CACNA2D3: variants seen among roughly 807,000 people sequenced by gnomAD.
CACNA2D3 encodes the protein calcium voltage-gated channel auxiliary subunit alpha2delta 3, also known as voltage-dependent calcium channel subunit alpha-2/delta-3.
A neutral mutation model predicts 160.6 loss-of-function variants in CACNA2D3; 60 were observed. The observed-to-expected ratio is 0.37, with a 90% CI of 0.30 to 0.46. The LOEUF is 0.46. CACNA2D3 is among the 20% of genes least tolerant of loss of function. The pLI is 1.00. For missense variants in CACNA2D3, 1,205 were observed against 1,365.0 expected, an observed-to-expected ratio of 0.88 and a Z score of 1.85; for synonymous variants, 558 against 492.9, an observed-to-expected ratio of 1.13 and a Z score of -1.75.
intron 13 of CACNA2D3, among the ~76,000 whole-genome samples, chr3:54,806,624 C>G (rs576833733): frequency 1.4e-3 from 211 of 152,308 alleles, no homozygotes; most frequent in Admixed American, 4.1e-3. Context: ...AATGGCCATG[C>G]TGCCCAAGGT....
At chr3:55,073,706 C>A in intron 36 of CACNA2D3, 71 bp from the exon 37 acceptor site, 1 of 1,381,386 alleles carries the variant, frequency 7.2e-7, no homozygotes, top group Non-Finnish European at 1.0e-6. Context: ...GTTGTCATTG[C>A]CAAATTTTGA....
At chr3:54,737,180 ATATGTGTG>A (rs1303798985) in intron 11 of CACNA2D3, among the ~76,000 whole-genome samples, 18 of 91,878 alleles carry the variant, frequency 2.0e-4, no homozygotes, top group Middle Eastern at 4.5e-3. Flanking sequence ...ATCCATGTGT[ATATGTGTG>A]TGTGTGTGTG....
At chr3:54,927,123 A>G (rs1701044938) in intron 27 of CACNA2D3, among the ~76,000 whole-genome samples, 1 of 152,168 alleles carries the variant, frequency 6.6e-6, no homozygotes, top group Non-Finnish European at 1.5e-5. Context: ...TGTTTGATTG[A>G]TTGTTTGCTT....
chr3:54,701,534 C>G (rs1035973086), intron 11 of CACNA2D3, among the ~76,000 whole-genome samples: 34 of 152,024 alleles, frequency 2.2e-4, no homozygotes, highest in Non-Finnish European at 1.0e-4. Context: ...ATACAGCTAC[C>G]GAGGGAGGTG....
intron 2 of CACNA2D3, among the ~76,000 whole-genome samples, chr3:54,184,263 T>C (rs1175130337): frequency 6.6e-6 from 1 of 152,200 alleles, no homozygotes; most frequent in East Asian, 1.9e-4. Flanking sequence ...GGCTGTGCGC[T>C]GCCTCTGGTC....
intron 9 of CACNA2D3, among the ~76,000 whole-genome samples, chr3:54,598,319 A>AAAAAG (rs1702997141): frequency 6.7e-6 from 1 of 149,678 alleles, no homozygotes; most frequent in Non-Finnish European, 1.5e-5. Flanking sequence ...AAAAAAAAAA[A>AAAAAG]AAAAAAAAAA....
intron 13 of CACNA2D3, among the ~76,000 whole-genome samples, chr3:54,815,726 AT>A (rs879438575): frequency 6.6e-6 from 1 of 152,158 alleles, no homozygotes; most frequent in Non-Finnish European, 1.5e-5. Flanking sequence ...TTTAAGTTCC[AT>A]TTTAGTTTTT....
At chr3:54,498,783 G>A (rs1559498283) in intron 4 of CACNA2D3, among the ~76,000 whole-genome samples, 1 of 151,776 alleles carries the variant, frequency 6.6e-6, no homozygotes, top group African/African-American at 2.4e-5. Flanking sequence ...TTTTCATTAT[G>A]ATTAATTTCA....
chr3:54,899,993 A>G (rs1700289752), intron 27 of CACNA2D3, 125 bp downstream of exon 27: 1 of 670,388 alleles, frequency 1.5e-6, no homozygotes, highest in African/African-American at 1.8e-5. Context: ...ACAATTTTAA[A>G]TTACTTCCTT....
chr3:54,876,091 A>G (rs1330751548), intron 18 of CACNA2D3, among the ~76,000 whole-genome samples: 1 of 152,146 alleles, frequency 6.6e-6, no homozygotes. Flanking sequence ...TTCCTCCGCC[A>G]GGCCATTTGC....
Position 54,672,730 on chromosome 3 carries a change from C to T in CACNA2D3, c.1167+30489C>T, listed in dbSNP as rs1039964879. Among the ~76,000 whole-genome samples, 7 of 152,298 alleles carry T rather than the reference C, an allele frequency of 4.6e-5. No individual in the cohort carries two copies. In the South Asian group the frequency reaches 1.4e-3, roughly 32 times the overall value. On this transcript the variant is annotated intron_variant, in intron 11 of 37. Coordinates refer to ENST00000474759, the MANE Select transcript of CACNA2D3 (RefSeq NM_018398.3). ...AAATTAGGTGACCTTGTGCAAGACACATAAGGGATCTGTGCTTCGGCTGTC... is the reference window on the plus strand; with the variant it reads ...AAATTAGGTGACCTTGTGCAAGACATATAAGGGATCTGTGCTTCGGCTGTC...
intron 2 of CACNA2D3, among the ~76,000 whole-genome samples, chr3:54,198,418 A>C (rs1701119307): frequency 6.6e-6 from 1 of 152,220 alleles, no homozygotes; most frequent in African/African-American, 2.4e-5. Flanking sequence ...CGTGGCCCCG[A>C]ATATTTCCGT....
intron 35 of CACNA2D3, among the ~76,000 whole-genome samples, chr3:55,069,004 A>G (rs1235498899): frequency 6.6e-6 from 1 of 152,132 alleles, no homozygotes; most frequent in Non-Finnish European, 1.5e-5. Flanking sequence ...TTTCTCCATT[A>G]TTTGATATTA....
At chr3:54,579,209 A>T (rs1702635284) in intron 8 of CACNA2D3, among the ~76,000 whole-genome samples, 1 of 152,186 alleles carries the variant, frequency 6.6e-6, no homozygotes, top group Non-Finnish European at 1.5e-5. Context: ...TTTATAGAAC[A>T]GGTGAGGAAA....
intron 11 of CACNA2D3, among the ~76,000 whole-genome samples, chr3:54,726,756 A>G (rs1213275596): frequency 2.0e-5 from 3 of 152,222 alleles, no homozygotes; most frequent in Non-Finnish European, 4.4e-5. Context: ...CTTATACAAA[A>G]ATCAACTCAA....
At chr3:54,472,034 C>T (rs904533803) in intron 4 of CACNA2D3, among the ~76,000 whole-genome samples, 2 of 152,146 alleles carry the variant, frequency 1.3e-5, no homozygotes, top group Admixed American at 6.6e-5. Flanking sequence ...GGACTCCTCC[C>T]TAACATATTT....
chr3:54,292,690 G>T (rs1703239849), intron 2 of CACNA2D3, among the ~76,000 whole-genome samples: 1 of 152,238 alleles, frequency 6.6e-6, no homozygotes, highest in African/African-American at 2.4e-5. Flanking sequence ...TGTTGGCAAG[G>T]ATGTGGAGGA....
chr3:54,534,456 C>T lies in CACNA2D3; in HGVS notation c.545-28344C>T, dbSNP rs560399324. Among the ~76,000 whole-genome samples, 20 of 152,196 alleles carry T rather than the reference C, an allele frequency of 1.3e-4. 1 individual carries two copies. The South Asian group carries it at 3.5e-3, about 27-fold the overall frequency. ...CTGCTCACTCGGAGCTGTTCTTCAC[C>T]ATGTGAAGCTCATCAGCACATGGTG... On this transcript the variant is annotated intron_variant, in intron 5 of 37. Coordinates refer to ENST00000474759, the MANE Select transcript of CACNA2D3 (RefSeq NM_018398.3).
At chr3:54,347,375 G>A (rs1389433904) in intron 3 of CACNA2D3, among the ~76,000 whole-genome samples, 1 of 152,184 alleles carries the variant, frequency 6.6e-6, no homozygotes, top group Non-Finnish European at 1.5e-5. Flanking sequence ...CTCTTTGGGA[G>A]TATAGGGGAG....
Sources: gnomAD v4.1 joint callset for allele counts (sites outside exome capture counted in the v4.1 genomes callset) on GRCh38, gnomAD v4.1.1 for gene constraint, MANE v1.5 for transcripts, NCBI Gene and HGNC (gene_info 2026-07-23, HGNC 2026-07-21) for gene names.